DNAJC6: variants seen among roughly 807,000 people sequenced by gnomAD.
DNAJC6 encodes auxilin.
DNAJC6 carries 34 observed loss-of-function variants against 110.0 expected under a neutral mutation model. That is an observed-to-expected ratio of 0.31 (90% CI 0.24 to 0.41). DNAJC6 has a LOEUF of 0.41. DNAJC6 is among the 10% of genes least tolerant of loss of function. The pLI is 1.00. For synonymous variants in DNAJC6, 406 were observed against 437.2 expected (o/e 0.93, Z 0.89); for missense variants, 1,031 against 1,207.8 (o/e 0.85, Z 2.17).
At chr1:65,344,883 G>C (rs1401091584) in intron 1 of DNAJC6, among the ~76,000 whole-genome samples, 1 of 152,078 alleles carries the variant, frequency 6.6e-6, no homozygotes, top group Non-Finnish European at 1.5e-5. Context: ...TCTAAGGACT[G>C]TTTCCCAGAT....
At chr1:65,392,314 CTGTT>C in intron 11 of DNAJC6, 113 bp from the exon 12 acceptor site, 1 of 985,860 alleles carries the variant, frequency 1.0e-6, no homozygotes, top group Non-Finnish European at 1.5e-6. Context: ...TCTAAAAACA[CTGTT>C]TGCTCAGGGC....
exon 1 of DNAJC6, chr1:65,264,874 T>G (rs1653263283): frequency 2.0e-5 from 32 of 1,612,144 alleles, no homozygotes; most frequent in Non-Finnish European, 2.7e-5. Context: ...TCAGCCGGAC[T>G]TTCCTGCTCA....
intron 1 of DNAJC6, among the ~76,000 whole-genome samples, chr1:65,289,038 A>T (rs1192483709): frequency 6.6e-6 from 1 of 152,188 alleles, no homozygotes; most frequent in African/African-American, 2.4e-5. Context: ...TATATATGTT[A>T]AAAATTACTG....
intron 1 of DNAJC6, among the ~76,000 whole-genome samples, chr1:65,324,497 T>G (rs1360876836): frequency 3.9e-5 from 6 of 152,132 alleles, no homozygotes; most frequent in Non-Finnish European, 1.5e-5. Context: ...TAGCTGGGAT[T>G]ATAGGCACCC....
At chr1:65,358,178 C>CAAAAAAAAAAAAAAAAAAAAAAAAAAA in intron 1 of DNAJC6, among the ~76,000 whole-genome samples, 1 of 80,036 alleles carries the variant, frequency 1.2e-5, no homozygotes, top group Non-Finnish European at 2.4e-5. Flanking sequence ...GACTCAGTCT[C>CAAAAAAAAAAAAAAAAAAAAAAAAAAA]AAAAAAAAAA....
intron 1 of DNAJC6, among the ~76,000 whole-genome samples, chr1:65,287,674 G>T (rs144814758): frequency 6.7e-4 from 102 of 152,210 alleles, no homozygotes; most frequent in African/African-American, 1.9e-3. Flanking sequence ...CACAATCAGG[G>T]CTCACTGCAG....
At chr1:65,360,583 A>G (rs1421463349) in intron 1 of DNAJC6, among the ~76,000 whole-genome samples, 1 of 152,206 alleles carries the variant, frequency 6.6e-6, no homozygotes, top group Non-Finnish European at 1.5e-5. Flanking sequence ...AATTATAAAC[A>G]TTTTATGCTG....
chr1:65,392,354 A>G, intron 11 of DNAJC6, 77 bp from the exon 12 acceptor site: 3 of 1,326,114 alleles, frequency 2.3e-6, no homozygotes, highest in Non-Finnish European at 3.1e-6. Context: ...TTCTGGAATT[A>G]TATACATATA....
chr1:65,323,403 A>T (rs981733387), intron 1 of DNAJC6, among the ~76,000 whole-genome samples: 1 of 152,086 alleles, frequency 6.6e-6, no homozygotes, highest in Admixed American at 6.6e-5. Flanking sequence ...TTCTCCTGCC[A>T]CCATGTAAGA....
chr1:65,314,187 A>G (rs1645127786), intron 1 of DNAJC6, among the ~76,000 whole-genome samples: 1 of 151,584 alleles, frequency 6.6e-6, no homozygotes, highest in Non-Finnish European at 1.5e-5. Flanking sequence ...TATATAAATA[A>G]ACAAAATATT....
intron 1 of DNAJC6, among the ~76,000 whole-genome samples, chr1:65,292,307 C>T (rs1406371489): frequency 1.3e-5 from 2 of 149,804 alleles, no homozygotes; most frequent in East Asian, 2.0e-4. Flanking sequence ...CATGAGCCAC[C>T]GCACCCGGCC....
intron 17 of DNAJC6, among the ~76,000 whole-genome samples, chr1:65,410,735 C>T (rs1480375991): frequency 1.3e-5 from 2 of 152,178 alleles, no homozygotes; most frequent in Non-Finnish European, 2.9e-5. Context: ...GAGCTCTGTT[C>T]TGCACCAGGT....
intron 1 of DNAJC6, among the ~76,000 whole-genome samples, chr1:65,360,697 CAA>C (rs1355557821): frequency 6.6e-6 from 1 of 152,174 alleles, no homozygotes; most frequent in Non-Finnish European, 1.5e-5. Flanking sequence ...AAACAGGACA[CAA>C]GAGAGCATTC....
At chr1:65,366,335 A>G in intron 4 of DNAJC6, 139 bp downstream of exon 4, 1 of 905,306 alleles carries the variant, frequency 1.1e-6, no homozygotes. Flanking sequence ...TTCACAAAAT[A>G]TTTATTAGGC....
chr1:65,395,736 C>A (rs1031188585), intron 13 of DNAJC6, among the ~76,000 whole-genome samples: 1 of 151,966 alleles, frequency 6.6e-6, no homozygotes, highest in African/African-American at 2.4e-5. Flanking sequence ...TAAAATGTGA[C>A]TGCTAGGAAA....
At chr1:65,391,934 T>C (rs975513761) in intron 11 of DNAJC6, among the ~76,000 whole-genome samples, 8 of 152,146 alleles carry the variant, frequency 5.3e-5, no homozygotes, top group African/African-American at 1.9e-4. Context: ...CACGCCACCA[T>C]GTGCAGCTAA....
chr1:65,285,573 C>A (rs375995692), intron 1 of DNAJC6, among the ~76,000 whole-genome samples: 5 of 152,314 alleles, frequency 3.3e-5, no homozygotes, highest in African/African-American at 9.6e-5. Flanking sequence ...CTCACCCCCC[C>A]ACCAGTGTTC....
At chr1:65,392,036 A>G (rs926316487) in intron 11 of DNAJC6, among the ~76,000 whole-genome samples, 2 of 152,132 alleles carry the variant, frequency 1.3e-5, no homozygotes, top group Admixed American at 6.5e-5. Flanking sequence ...TCAGCCTCCT[A>G]AAGTGCTGGG....
At chr1:65,386,263 G>A (rs1464429370) in intron 7 of DNAJC6, among the ~76,000 whole-genome samples, 1 of 152,224 alleles carries the variant, frequency 6.6e-6, no homozygotes, top group East Asian at 1.9e-4. Flanking sequence ...GAGCAACTAG[G>A]TAGACGGTGA....
Sources: gnomAD v4.1 joint callset for allele counts (sites outside exome capture counted in the v4.1 genomes callset) on GRCh38, gnomAD v4.1.1 for gene constraint, MANE v1.5 for transcripts, NCBI Gene and HGNC (gene_info 2026-07-23, HGNC 2026-07-21) for gene names.